ERG: variants seen among roughly 807,000 people sequenced by gnomAD.
ERG encodes transcriptional regulator ERG.
Under a neutral mutation model 55.3 loss-of-function variants are expected in ERG, and 9 were observed. The observed-to-expected ratio is 0.16, with a 90% CI of 0.10 to 0.28. ERG has a LOEUF of 0.28. Among genes scored for constraint, ERG ranks in the 10% least tolerant of loss-of-function variants. The pLI is 1.00. For missense variants in ERG, 434 were observed against 631.6 expected, an observed-to-expected ratio of 0.69 and a Z score of 3.35; for synonymous variants, 223 against 237.3, an observed-to-expected ratio of 0.94 and a Z score of 0.55.
intron 6 of ERG, among the ~76,000 whole-genome samples, chr21:38,398,407 A>T (rs1411393977): frequency 1.3e-5 from 2 of 152,238 alleles, no homozygotes; most frequent in Non-Finnish European, 2.9e-5. Context: ...GTCAGATACC[A>T]ATATTTGTAT....
At chr21:38,601,143 G>A (rs2060162145) in intron 1 of ERG, among the ~76,000 whole-genome samples, 1 of 152,162 alleles carries the variant, frequency 6.6e-6, no homozygotes, top group South Asian at 2.1e-4. Flanking sequence ...TTGACAGGAT[G>A]GAACGGTCAG....
At chr21:38,560,243 G>C (rs980697413) in intron 2 of ERG, among the ~76,000 whole-genome samples, 1 of 152,188 alleles carries the variant, frequency 6.6e-6, no homozygotes, top group African/African-American at 2.4e-5. Context: ...GCTTCAGAAG[G>C]AACCAGCTAC....
chr21:38,557,157 C>A (rs1191227559), intron 2 of ERG, among the ~76,000 whole-genome samples: 1 of 152,174 alleles, frequency 6.6e-6, no homozygotes, highest in Non-Finnish European at 1.5e-5. Context: ...TTTCTGTGAC[C>A]TTGTGCCACT....
chr21:38,389,095 G>A lies in ERG; in HGVS notation c.919+1900C>T, dbSNP rs1304255338. 2.0e-5 allele frequency among the ~76,000 whole-genome samples: 3 copies of A among 152,168 alleles called. No homozygotes were observed. The East Asian group carries it at 5.8e-4, about 29-fold the overall frequency. On this transcript the variant is annotated intron_variant, in intron 9 of 9. Transcript: ENST00000288319. ...TCATCGCCTGCACCTAAGCAGTTAT[G>A]ACCCTGAAAGGAAATCCTTGCTTTC... is the stretch of plus-strand genomic sequence containing the variant.
At chr21:38,487,732 A>G (rs1040792726) in intron 1 of ERG, among the ~76,000 whole-genome samples, 4 of 152,320 alleles carry the variant, frequency 2.6e-5, no homozygotes, top group South Asian at 4.1e-4. Context: ...CAAGCTGCAC[A>G]ATGACTGTCT....
At chr21:38,427,116 C>T (rs907644123) in intron 2 of ERG, among the ~76,000 whole-genome samples, 1 of 152,022 alleles carries the variant, frequency 6.6e-6, no homozygotes, top group Non-Finnish European at 1.5e-5. Flanking sequence ...GTTGCGGCAG[C>T]TCATGCCTGT....
At chr21:38,566,699 GAAGAAACA>G (rs973204267) in intron 2 of ERG, among the ~76,000 whole-genome samples, 2 of 152,184 alleles carry the variant, frequency 1.3e-5, no homozygotes, top group African/African-American at 4.8e-5. Context: ...AGCCTTCAAT[GAAGAAACA>G]AAGAAACAAA....
chr21:38,439,085 G>T, intron 2 of ERG, among the ~76,000 whole-genome samples: 1 of 152,162 alleles, frequency 6.6e-6, no homozygotes, highest in Non-Finnish European at 1.5e-5. Context: ...GGCTGAGGGG[G>T]GACTCACAGC....
chr21:38,631,805 G>A (rs887485842), intron 1 of ERG, among the ~76,000 whole-genome samples: 1 of 151,948 alleles, frequency 6.6e-6, no homozygotes, highest in Non-Finnish European at 1.5e-5. Flanking sequence ...TCTCCTGCCA[G>A]GTTTGTGGCT....
intron 2 of ERG, among the ~76,000 whole-genome samples, chr21:38,437,219 T>C (rs1190234259): frequency 6.6e-6 from 1 of 152,034 alleles, no homozygotes; most frequent in Non-Finnish European, 1.5e-5. Context: ...TCCATCTCCA[T>C]CGAAGCTAAC....
intron 3 of ERG, among the ~76,000 whole-genome samples, chr21:38,407,163 T>A (rs1241247056): frequency 3.3e-5 from 5 of 152,164 alleles, no homozygotes; most frequent in African/African-American, 1.2e-4. Flanking sequence ...AAGGAAATAA[T>A]AGAGGATGTG....
At chr21:38,437,574 T>C (rs146869629) in intron 2 of ERG, among the ~76,000 whole-genome samples, 7 of 152,334 alleles carry the variant, frequency 4.6e-5, no homozygotes, top group African/African-American at 7.2e-5. Flanking sequence ...GAGAAGTTCC[T>C]GTCCCCAGTG....
chr21:38,522,543 T>C (rs1386910948), intron 2 of ERG, among the ~76,000 whole-genome samples: 3 of 152,202 alleles, frequency 2.0e-5, no homozygotes, highest in Non-Finnish European at 4.4e-5. Context: ...AAAATGGATA[T>C]TGCCATAACT....
rs190685162 is a variant in ERG, at chr21:38,634,362, T to C, written c.-150+27296A>G. On this transcript the variant is annotated intron_variant, in intron 1 of 10. Coordinates refer to the ERG transcript ENST00000398910. ...CATATTTGAGGTCGATATGAGAAAG[T>C]TCACGCTCACAAACACAGCTGTGCA... is the stretch of plus-strand genomic sequence containing the variant. Among the ~76,000 whole-genome samples, 578 of 152,288 alleles carry C rather than the reference T, an allele frequency of 3.8e-3. 3 individuals carry two copies. Among genetic ancestry groups the C allele is most frequent in the African/African-American group, 0.012 (487 of 41,564 alleles).
chr21:38,626,975 C>T (rs1291814999), intron 1 of ERG, among the ~76,000 whole-genome samples: 1 of 151,778 alleles, frequency 6.6e-6, no homozygotes, highest in Non-Finnish European at 1.5e-5. Flanking sequence ...AGTTTTGCAG[C>T]CATAATTGAT....
intron 1 of ERG, among the ~76,000 whole-genome samples, chr21:38,484,203 A>G (rs1369844760): frequency 6.6e-6 from 1 of 152,116 alleles, no homozygotes; most frequent in African/African-American, 2.4e-5. Context: ...GAGCTCAGAC[A>G]ATCCACCCGC....
chr21:38,483,922 G>T (rs1246846009), intron 1 of ERG, among the ~76,000 whole-genome samples: 1 of 152,070 alleles, frequency 6.6e-6, no homozygotes, highest in Non-Finnish European at 1.5e-5. Context: ...AATATAGGGT[G>T]CCAGCCACAT....
chr21:38,383,202 T>C lies in ERG; in HGVS notation c.*201A>G. On this transcript the variant is annotated 3_prime_UTR_variant, in exon 10 of 10. Transcript: ENST00000288319. The surrounding 1 kb of genome is among the most constrained non-coding windows in gnomAD (Gnocchi z 5.7). ...ATGATATGTCCATATTCGTGACATT[T>C]TTAGCATCCTCCTCATTTCTGTAGT... The C allele has an allele frequency of 3.9e-6, 5 of 1,286,222 alleles. No homozygotes were observed. The highest frequency in any genetic ancestry group is 4.9e-6 in the Non-Finnish European group (5 of 1,019,184). The allele number at this position is 1,286,222 out of a possible 1,614,324, so 79.7% of individuals were successfully genotyped here.
intron 1 of ERG, among the ~76,000 whole-genome samples, chr21:38,602,227 G>A (rs2060168710): frequency 6.6e-6 from 1 of 152,068 alleles, no homozygotes; most frequent in Non-Finnish European, 1.5e-5. Context: ...GGTGGATCAC[G>A]AGGTCAGCAG....
Sources: allele counts gnomAD v4.1 joint callset (sites outside exome capture counted in the v4.1 genomes callset), GRCh38; gene constraint gnomAD v4.1.1; non-coding constraint Gnocchi (gnomAD v3.1); transcripts MANE v1.5; gene names NCBI Gene and HGNC (gene_info 2026-07-23, HGNC 2026-07-21).